The following RIMS2 variants were observed in gnomAD, a reference collection of about 807,000 sequenced individuals.
RIMS2 encodes the protein regulating synaptic membrane exocytosis protein 2.
Under a neutral mutation model 174.4 loss-of-function variants are expected in RIMS2, and 59 were observed. That is an observed-to-expected ratio of 0.34 (90% CI 0.27 to 0.42). The LOEUF is 0.42. Among genes scored for constraint, RIMS2 ranks in the 10% least tolerant of loss-of-function variants. RIMS2 has a pLI of 1.00. For missense variants in RIMS2, 1,620 were observed against 1,666.3 expected, an observed-to-expected ratio of 0.97 and a Z score of 0.48; for synonymous variants, 606 against 572.5, an observed-to-expected ratio of 1.06 and a Z score of -0.84.
intron 3 of RIMS2, among the ~76,000 whole-genome samples, chr8:103,813,569 A>G (rs974029424): frequency 1.3e-5 from 2 of 151,966 alleles, no homozygotes; most frequent in African/African-American, 4.8e-5. Context: ...ACCCCACGAC[A>G]GGCCCCAGTG....
At chr8:103,804,428 C>T (rs144447815) in intron 3 of RIMS2, among the ~76,000 whole-genome samples, 1 of 152,320 alleles carries the variant, frequency 6.6e-6, no homozygotes, top group African/African-American at 2.4e-5. Flanking sequence ...CCTCCTCTAC[C>T]ACCAACAGAG....
chr8:103,725,357 AG>A (rs2097514864), intron 2 of RIMS2, among the ~76,000 whole-genome samples: 1 of 152,096 alleles, frequency 6.6e-6, no homozygotes, highest in Non-Finnish European at 1.5e-5. Context: ...CCATCATCCT[AG>A]GAAGTTTATG....
intron 2 of RIMS2, among the ~76,000 whole-genome samples, chr8:103,757,791 G>A (rs561621861): frequency 2.0e-5 from 3 of 152,286 alleles, no homozygotes; most frequent in Non-Finnish European, 4.4e-5. Context: ...AAGGCGATGT[G>A]AAGATTTAAC....
chr8:103,665,697 TCCCTGTTTTCCC>T (rs751231338), intron 1 of RIMS2, among the ~76,000 whole-genome samples: 1 of 152,190 alleles, frequency 6.6e-6, no homozygotes, highest in Non-Finnish European at 1.5e-5. Flanking sequence ...TGTATTTTCC[TCCCTGTTTTCCC>T]CCCATGCATA....
chr8:103,578,379 A>T (rs2430752), intron 1 of RIMS2, among the ~76,000 whole-genome samples: 2 of 151,832 alleles, frequency 1.3e-5, no homozygotes, highest in Non-Finnish European at 2.9e-5. Context: ...AAAATACAAA[A>T]ATTAGCTGAG....
chr8:103,692,728 G>A (rs562307958), intron 1 of RIMS2, among the ~76,000 whole-genome samples: 77 of 152,290 alleles, frequency 5.1e-4, no homozygotes, highest in African/African-American at 1.8e-3. Flanking sequence ...ACTCTGCCTG[G>A]TACCATATTC....
At chr8:103,775,117 A>G (rs540568368) in intron 3 of RIMS2, among the ~76,000 whole-genome samples, 1 of 152,176 alleles carries the variant, frequency 6.6e-6, no homozygotes, top group South Asian at 2.1e-4. Flanking sequence ...CTAACACCAA[A>G]TCAATGGTAT....
intron 19 of RIMS2, among the ~76,000 whole-genome samples, chr8:104,045,935 T>TA (rs1230824294): frequency 6.6e-6 from 1 of 151,954 alleles, no homozygotes; most frequent in Non-Finnish European, 1.5e-5. Flanking sequence ...TAATGTTTAG[T>TA]AAAATCACTT....
intron 1 of RIMS2, among the ~76,000 whole-genome samples, chr8:103,649,852 A>T (rs2096416794): frequency 1.3e-5 from 2 of 152,180 alleles, no homozygotes; most frequent in South Asian, 4.1e-4. Context: ...CTTCTTTGCC[A>T]TTGGGTTACC....
chr8:103,915,511 T>A (rs1051705184), exon 7 of RIMS2: 1 of 1,600,566 alleles, frequency 6.2e-7, no homozygotes, highest in African/African-American at 1.3e-5. Context: ...GGAGGAAAGA[T>A]GACTGAATCA....
chr8:104,236,604 A>G lies in RIMS2; in HGVS notation c.3335-8312A>G, dbSNP rs541964573. On this transcript the variant is annotated intron_variant, in intron 19 of 23. Coordinates refer to ENST00000504942, the Ensembl canonical transcript of RIMS2. ...ATTTTCTACTTTTCTATAGACAAGT[A>G]TTTTCAATTTATATAGTTTTTACTG... Among the ~76,000 whole-genome samples the G allele has an allele frequency of 1.6e-3, 251 of 152,192 alleles. 1 individual carries two copies. Among genetic ancestry groups the G allele is most frequent in the Middle Eastern group, 3.4e-3 (1 of 294 alleles).
intron 3 of RIMS2, 60 bp from the exon 7 acceptor site, chr8:103,885,238 T>G: frequency 1.4e-6 from 2 of 1,479,302 alleles, no homozygotes; most frequent in Non-Finnish European, 1.8e-6. Flanking sequence ...AGCAAATCAA[T>G]GAAATGTAAA....
At chr8:103,725,250 A>G (rs983366913) in intron 2 of RIMS2, among the ~76,000 whole-genome samples, 1 of 152,180 alleles carries the variant, frequency 6.6e-6, no homozygotes, top group African/African-American at 2.4e-5. Flanking sequence ...TAACTTGTAC[A>G]TAATAAGATG....
intron 4 of RIMS2, among the ~76,000 whole-genome samples, chr8:103,900,241 G>T (rs1198337744): frequency 6.6e-6 from 1 of 151,602 alleles, no homozygotes; most frequent in Non-Finnish European, 1.5e-5. Flanking sequence ...TTGTTCGTTT[G>T]AGATAGAGTC....
At chr8:103,695,726 T>G (rs866097281) in intron 1 of RIMS2, among the ~76,000 whole-genome samples, 1 of 149,686 alleles carries the variant, frequency 6.7e-6, no homozygotes, top group South Asian at 2.1e-4. Context: ...GGGTTGACAG[T>G]TTTTTTTTGT....
chr8:103,777,867 G>A (rs542066028), intron 3 of RIMS2, among the ~76,000 whole-genome samples: 15 of 152,026 alleles, frequency 9.9e-5, no homozygotes, highest in African/African-American at 2.6e-4. Context: ...TTCATGCTGG[G>A]TATGAAATTG....
At chr8:104,147,919 C>A (rs1303015329) in intron 19 of RIMS2, among the ~76,000 whole-genome samples, 2 of 152,180 alleles carry the variant, frequency 1.3e-5, no homozygotes, top group African/African-American at 4.8e-5. Context: ...TGCTTTCTGG[C>A]ACACTGTCTG....
At chr8:104,133,250 G>T (rs2098487622) in intron 19 of RIMS2, among the ~76,000 whole-genome samples, 1 of 152,158 alleles carries the variant, frequency 6.6e-6, no homozygotes, top group Non-Finnish European at 1.5e-5. Flanking sequence ...AAAGGCCACT[G>T]TGGCTAAAGA....
At chr8:103,929,131 ATTAC>A (rs968742443) in intron 11 of RIMS2, among the ~76,000 whole-genome samples, 2 of 151,722 alleles carry the variant, frequency 1.3e-5, no homozygotes, top group Admixed American at 6.6e-5. Context: ...TGCTATTTAA[ATTAC>A]TTTAATATTT....
Sources: gnomAD v4.1 joint callset for allele counts (sites outside exome capture counted in the v4.1 genomes callset) on GRCh38, gnomAD v4.1.1 for gene constraint, MANE v1.5 for transcripts, NCBI Gene and HGNC (gene_info 2026-07-23, HGNC 2026-07-21) for gene names.